The following KCTD16 variants were observed in gnomAD, a reference collection of about 807,000 sequenced individuals.
KCTD16 encodes BTB/POZ domain-containing protein KCTD16.
KCTD16 carries 13 observed loss-of-function variants against 33.2 expected under a neutral mutation model. The observed-to-expected ratio is 0.39, with a 90% confidence interval of 0.25 to 0.62. The LOEUF (loss-of-function observed/expected upper bound fraction) is 0.62. Ranked by LOEUF, KCTD16 falls within the 20% of genes least tolerant of loss-of-function variation. The pLI is 0.50. For synonymous variants in KCTD16, 197 were observed against 195.3 expected, an observed-to-expected ratio of 1.01 and a Z score of -0.07; for missense variants, 441 against 525.1, an observed-to-expected ratio of 0.84 and a Z score of 1.57.
rs532982315 is a variant in KCTD16, at chr5:144,290,225, G to A, written c.832+82679G>A. The stretch of plus-strand genomic sequence containing the variant: ...TGGGAGAATTGCTTGAGTCCCTGAG[G>A]CAGAGATTGCAGTGAGCTGAGATGG... On this transcript the variant is annotated intron_variant, in intron 3 of 3. Transcript: ENST00000512467. Among the ~76,000 whole-genome samples the A allele has an allele frequency of 4.6e-5, 7 of 152,188 alleles. No individual in the cohort carries two copies. The East Asian group carries it at 1.4e-3, about 29-fold the overall frequency.
intron 3 of KCTD16, among the ~76,000 whole-genome samples, chr5:144,339,388 T>C (rs1051028061): frequency 6.6e-6 from 1 of 152,196 alleles, no homozygotes; most frequent in African/African-American, 2.4e-5. Flanking sequence ...ATCACTGCCC[T>C]CTCTCCTTTT....
chr5:144,286,448 A>G (rs903513934), intron 3 of KCTD16, among the ~76,000 whole-genome samples: 5 of 152,224 alleles, frequency 3.3e-5, no homozygotes, highest in Non-Finnish European at 5.9e-5. Context: ...CAAATAATAT[A>G]TACTTCTACA....
intron 3 of KCTD16, among the ~76,000 whole-genome samples, chr5:144,372,245 C>T (rs1288072249): frequency 6.6e-6 from 1 of 150,522 alleles, no homozygotes; most frequent in African/African-American, 2.5e-5. Context: ...AACAGTGGTA[C>T]CCATCTTATA....
At chr5:144,303,809 G>A (rs1314905432) in intron 3 of KCTD16, among the ~76,000 whole-genome samples, 1 of 152,160 alleles carries the variant, frequency 6.6e-6, no homozygotes, top group Non-Finnish European at 1.5e-5. Context: ...TGTTTCATAA[G>A]TTGGTTGGAT....
intron 3 of KCTD16, among the ~76,000 whole-genome samples, chr5:144,423,931 A>C (rs1561603184): frequency 6.6e-6 from 1 of 152,162 alleles, no homozygotes; most frequent in Non-Finnish European, 1.5e-5. Flanking sequence ...ATGACAGCTG[A>C]TGAGCTGAAA....
At chr5:144,226,109 C>T (rs1400909311) in intron 3 of KCTD16, among the ~76,000 whole-genome samples, 1 of 152,148 alleles carries the variant, frequency 6.6e-6, no homozygotes, top group Non-Finnish European at 1.5e-5. Context: ...CCTTTCTCTG[C>T]AATGAACTAT....
chr5:144,340,763 A>T (rs926562022), intron 3 of KCTD16, among the ~76,000 whole-genome samples: 4 of 152,014 alleles, frequency 2.6e-5, no homozygotes, highest in African/African-American at 4.8e-5. Flanking sequence ...TAAGAACTGA[A>T]TCTGCACCAG....
intron 3 of KCTD16, among the ~76,000 whole-genome samples, chr5:144,425,979 C>A (rs1753320315): frequency 6.6e-6 from 1 of 152,176 alleles, no homozygotes; most frequent in Admixed American, 6.5e-5. Context: ...CCTAAATACA[C>A]CTTTCACTCT....
chr5:144,173,727 T>G (rs1752442439), intron 1 of KCTD16, among the ~76,000 whole-genome samples: 1 of 152,178 alleles, frequency 6.6e-6, no homozygotes, highest in Admixed American at 6.5e-5. Flanking sequence ...ATTTTCCCCT[T>G]TGAATTTCTG....
chr5:144,467,248 C>T (rs942789934), intron 3 of KCTD16, among the ~76,000 whole-genome samples: 1 of 151,268 alleles, frequency 6.6e-6, no homozygotes, highest in Non-Finnish European at 1.5e-5. Context: ...TAAATATTTT[C>T]CATTCTAATG....
chr5:144,267,806 G>A (rs1341694297), intron 3 of KCTD16, among the ~76,000 whole-genome samples: 1 of 152,056 alleles, frequency 6.6e-6, no homozygotes, highest in African/African-American at 2.4e-5. Context: ...TTTTCTGCTT[G>A]TTTACAGATA....
At chr5:144,357,412 T>C (rs1035829057) in intron 3 of KCTD16, among the ~76,000 whole-genome samples, 1 of 152,196 alleles carries the variant, frequency 6.6e-6, no homozygotes, top group Non-Finnish European at 1.5e-5. Context: ...TTAGGCGATG[T>C]AGGATCAGAA....
chr5:144,219,783 C>T (rs1476658052), intron 3 of KCTD16, among the ~76,000 whole-genome samples: 1 of 151,984 alleles, frequency 6.6e-6, no homozygotes, highest in Admixed American at 6.6e-5. Context: ...CTCGGCCTCC[C>T]AAAGTGTTGG....
At chr5:144,366,762 G>C (rs970164323) in intron 3 of KCTD16, among the ~76,000 whole-genome samples, 1 of 152,150 alleles carries the variant, frequency 6.6e-6, no homozygotes, top group Non-Finnish European at 1.5e-5. Context: ...GGCTGTGAAG[G>C]AAACCAATCA....
At chr5:144,460,112 G>A (rs1011838110) in intron 3 of KCTD16, among the ~76,000 whole-genome samples, 5 of 152,074 alleles carry the variant, frequency 3.3e-5, no homozygotes, top group African/African-American at 9.7e-5. Flanking sequence ...GATTACAGGC[G>A]TGAGCCACCG....
intron 3 of KCTD16, among the ~76,000 whole-genome samples, chr5:144,458,107 G>T (rs1754111490): frequency 6.6e-6 from 1 of 152,158 alleles, no homozygotes; most frequent in African/African-American, 2.4e-5. Flanking sequence ...GTCATAAGAA[G>T]AACTGGTAAC....
At chr5:144,209,249 C>T (rs189485841) in intron 3 of KCTD16, among the ~76,000 whole-genome samples, 1 of 152,226 alleles carries the variant, frequency 6.6e-6, no homozygotes, top group African/African-American at 2.4e-5. Flanking sequence ...ATAAATGAGA[C>T]CCACACACTG....
chr5:144,480,551 G>T lies in KCTD16; in HGVS notation c.*6437G>T, dbSNP rs572356033. The T allele has an allele frequency of 2.6e-5, 4 of 152,078 alleles. No individual in the cohort carries two copies. Among genetic ancestry groups the T allele is most frequent in the African/African-American group, 9.6e-5 (4 of 41,512 alleles). 9.4% of individuals were successfully genotyped at this position (152,078 alleles called of 1,614,324 possible). On this transcript the variant is annotated 3_prime_UTR_variant, in exon 4 of 4. Transcript: ENST00000512467. ...GTTTATCTATACCCTTTAGGTGAGA[G>T]ACAGAGAGAAACAATTTCAGGAAAC...
intron 3 of KCTD16, among the ~76,000 whole-genome samples, chr5:144,451,332 A>G (rs1753937128): frequency 6.6e-6 from 1 of 152,116 alleles, no homozygotes; most frequent in Admixed American, 6.6e-5. Flanking sequence ...TATAAGAGAC[A>G]CCACAGAAGA....
Sources: gnomAD v4.1 joint callset for allele counts (sites outside exome capture counted in the v4.1 genomes callset) on GRCh38, gnomAD v4.1.1 for gene constraint, MANE v1.5 for transcripts, NCBI Gene and HGNC (gene_info 2026-07-23, HGNC 2026-07-21) for gene names.